The following PCDHA10 variants were observed in gnomAD, a reference collection of about 807,000 sequenced individuals.
PCDHA10 encodes protocadherin alpha 10.
In PCDHA10, 45 loss-of-function variants were observed where a neutral mutation model predicts 61.2. The observed-to-expected ratio is 0.74, with a 90% confidence interval of 0.58 to 0.94. The LOEUF (loss-of-function observed/expected upper bound fraction) is 0.94. Ranked by LOEUF, PCDHA10 falls within the 40% of genes least tolerant of loss-of-function variation. The probability of loss-of-function intolerance (pLI) is 0.00; values close to 1 mark genes in which losing one functional copy is unlikely to be tolerated. For missense variants in PCDHA10, 1,278 were observed against 1,236.2 expected (o/e 1.03, Z -0.51); for synonymous variants, 602 against 548.8 (o/e 1.10, Z -1.35).
chr5:140,901,917 T>C (rs776284320), intron 1 of PCDHA10, among the ~76,000 whole-genome samples: 15 of 152,090 alleles, frequency 9.9e-5, no homozygotes, highest in Admixed American at 4.6e-4. Context: ...ATCTTTCACT[T>C]CTTTGGTTAA....
At chr5:141,009,217 G>T (rs1554262066) in intron 3 of PCDHA10, among the ~76,000 whole-genome samples, 1 of 152,234 alleles carries the variant, frequency 6.6e-6, no homozygotes, top group African/African-American at 2.4e-5. Flanking sequence ...CACTTTGGGA[G>T]GCCAAGGTGG....
At chr5:140,951,986 C>A (rs2094668313) in intron 1 of PCDHA10, among the ~76,000 whole-genome samples, 2 of 152,166 alleles carry the variant, frequency 1.3e-5, no homozygotes, top group African/African-American at 4.8e-5. Flanking sequence ...AAGGGAAAAA[C>A]CAGCCAAAAG....
At chr5:140,895,636 T>C (rs1554186575) in intron 1 of PCDHA10, among the ~76,000 whole-genome samples, 1 of 152,178 alleles carries the variant, frequency 6.6e-6, no homozygotes, top group Non-Finnish European at 1.5e-5. Context: ...TTTCACATTC[T>C]TTTTTAGCTC....
intron 1 of PCDHA10, chr5:140,875,423 G>T: frequency 6.6e-7 from 1 of 1,524,996 alleles, no homozygotes; most frequent in Non-Finnish European, 8.8e-7. Context: ...CCTCAGGCAA[G>T]CGATCCCTTA....
intron 2 of PCDHA10, among the ~76,000 whole-genome samples, chr5:140,981,831 G>A (rs2096952818): frequency 6.6e-6 from 1 of 152,006 alleles, no homozygotes; most frequent in African/African-American, 2.4e-5. Flanking sequence ...TGCCTCTAAA[G>A]GTCTCCCAGT....
intron 3 of PCDHA10, among the ~76,000 whole-genome samples, chr5:141,007,475 C>G (rs575810038): frequency 1.3e-5 from 2 of 151,322 alleles, no homozygotes; most frequent in Non-Finnish European, 2.9e-5. Context: ...GGCTGAGGCA[C>G]GAGAATTACT....
rs782520879 is a variant in PCDHA10, at chr5:141,009,808, T to A, written c.2718T>A (p.Ile906=). Residue 906 remains isoleucine (I), a synonymous_variant, in exon 4 of 4, where the codon ATT becomes ATA. Transcript: ENST00000307360. ...GGCAGGAGCCTACTAACAGCCAAAT[T>A]GACAAAAGTGACTTCATAACCTTCG... The part of the protein sequence containing the change: ...SIRQEPTNSQ[I]DKSDFITFGK... The A allele has an allele frequency of 1.2e-6, 2 of 1,613,832 alleles. No homozygotes were observed. The highest frequency in any genetic ancestry group is 2.2e-5 in the South Asian group (2 of 91,042).
chr5:140,927,970 G>A (rs1554205315), intron 1 of PCDHA10: 1 of 1,614,216 alleles, frequency 6.2e-7, no homozygotes, highest in East Asian at 2.2e-5. Context: ...CACAGTGATT[G>A]CTCTCTTTAG....
chr5:140,868,994 A>C, intron 1 of PCDHA10: 1 of 1,510,848 alleles, frequency 6.6e-7, no homozygotes, highest in Non-Finnish European at 8.8e-7. Context: ...GCCACCGTTT[A>C]AGGATCCTTT....
intron 1 of PCDHA10, chr5:140,868,176 CAT>C (rs1246417615): frequency 2.0e-5 from 3 of 152,006 alleles, no homozygotes; most frequent in African/African-American, 7.2e-5. Flanking sequence ...TTTGATATCT[CAT>C]ATTATGCTAC....
intron 1 of PCDHA10, among the ~76,000 whole-genome samples, chr5:140,918,436 A>T (rs2078697265): frequency 6.6e-6 from 1 of 152,092 alleles, no homozygotes; most frequent in Admixed American, 6.6e-5. Context: ...GTTGAATAGG[A>T]GTGGTGACAG....
chr5:140,939,900 A>G (rs916984176), intron 1 of PCDHA10, among the ~76,000 whole-genome samples: 5 of 152,150 alleles, frequency 3.3e-5, no homozygotes, highest in Admixed American at 3.3e-4. Flanking sequence ...AATATTCTGC[A>G]TTCTTTTTTA....
intron 1 of PCDHA10, among the ~76,000 whole-genome samples, chr5:140,961,726 A>ACAAT (rs1470566144): frequency 1.4e-4 from 21 of 152,270 alleles, no homozygotes; most frequent in African/African-American, 4.8e-4. Flanking sequence ...GTGCTCATAA[A>ACAAT]CAATCACTTT....
chr5:140,948,573 G>A (rs892818051), intron 1 of PCDHA10, among the ~76,000 whole-genome samples: 1 of 151,448 alleles, frequency 6.6e-6, no homozygotes, highest in Non-Finnish European at 1.5e-5. Flanking sequence ...ATTTTTTAAA[G>A]GATTTGTCAG....
intron 3 of PCDHA10, among the ~76,000 whole-genome samples, chr5:140,993,462 TCA>T (rs3836747): frequency 0.093 from 13,122 of 140,864 alleles, 629 homozygotes; most frequent in African/African-American, 0.12. Flanking sequence ...TCTTTCTTTC[TCA>T]CACACACACA....
At position 141,010,191 on chromosome 5, in the gene PCDHA10, C is replaced by T; in HGVS notation, c.*254C>T. 1 of 1,552,476 alleles carries T rather than the reference C, an allele frequency of 6.4e-7. No homozygotes were observed. The highest frequency in any genetic ancestry group is 1.4e-5 in the African/African-American group (1 of 73,166). ...AACCTAAAAAGCAGACCCAAGTTTCCTTTCTCCTCCGCCGCAAAGGAGAGG... is the reference window on the plus strand; with the variant it reads ...AACCTAAAAAGCAGACCCAAGTTTCTTTTCTCCTCCGCCGCAAAGGAGAGG... On this transcript the variant is annotated 3_prime_UTR_variant, in exon 4 of 4. Transcript: ENST00000307360.
At chr5:140,862,306 C>T (rs184682479) in intron 1 of PCDHA10, 3 of 279,438 alleles carry the variant, frequency 1.1e-5, no homozygotes, top group Admixed American at 9.2e-5. Flanking sequence ...CACTGGGTAC[C>T]GTCATAGCCC....
Position 140,969,016 on chromosome 5 carries a change from A to C in PCDHA10, c.2389-9933A>C. Reference sequence around the variant, plus strand: ...GTGGAGGCTTCTGTGGAGTAAGGGAAAGGTCCCCTGCAGAACTGTACAAAC... The same window carrying C: ...GTGGAGGCTTCTGTGGAGTAAGGGACAGGTCCCCTGCAGAACTGTACAAAC... On this transcript the variant is annotated intron_variant, in intron 1 of 3. Coordinates refer to ENST00000307360, the MANE Select transcript of PCDHA10 (RefSeq NM_018901.4). 6.2e-7 allele frequency: 1 copy of C among 1,614,172 alleles called. No homozygotes were observed. Among genetic ancestry groups the C allele is most frequent in the South Asian group, 1.1e-5 (1 of 91,072 alleles).
chr5:140,931,544 A>G (rs1276156656), intron 1 of PCDHA10, among the ~76,000 whole-genome samples: 1 of 152,048 alleles, frequency 6.6e-6, no homozygotes, highest in Non-Finnish European at 1.5e-5. Context: ...TATACTGTTC[A>G]TATGTGCAGG....
Sources: gnomAD v4.1 joint callset for allele counts (sites outside exome capture counted in the v4.1 genomes callset) on GRCh38, gnomAD v4.1.1 for gene constraint, MANE v1.5 for transcripts, NCBI Gene and HGNC (gene_info 2026-07-23, HGNC 2026-07-21) for gene names.